The following DACH1 variants were observed in gnomAD, a reference collection of about 807,000 sequenced individuals.
DACH1 encodes dachshund homolog 1.
A neutral mutation model predicts 54.2 loss-of-function variants in DACH1; 12 were observed. The observed-to-expected ratio is 0.22, with a 90% CI of 0.14 to 0.36. The LOEUF is 0.36. DACH1 is among the 10% of genes least tolerant of loss of function. The probability of loss-of-function intolerance (pLI) is 1.00; values close to 1 mark genes in which losing one functional copy is unlikely to be tolerated. For synonymous variants in DACH1, 386 were observed against 366.2 expected (o/e 1.05, Z -0.62); for missense variants, 805 against 929.8 (o/e 0.87, Z 1.75).
In DACH1 at chr13:71,613,247, C is replaced by T. The variant is rs528656479; in HGVS notation, c.1126+17309G>A. On this transcript the variant is annotated intron_variant, in intron 3 of 10. Transcript: ENST00000613252. Reference sequence around the variant, plus strand: ...TAAGAACATCTGCAGAAAGAAAGGACGTAGTCTGTTTGAGAAACTGGAGAA... The same window carrying T: ...TAAGAACATCTGCAGAAAGAAAGGATGTAGTCTGTTTGAGAAACTGGAGAA... 9.2e-5 allele frequency among the ~76,000 whole-genome samples: 14 copies of T among 152,198 alleles called. No individual in the cohort carries two copies. In the South Asian group the frequency reaches 1.9e-3, roughly 20 times the overall value.
At chr13:71,480,642 A>G (rs774717914) in intron 7 of DACH1, among the ~76,000 whole-genome samples, 2 of 152,146 alleles carry the variant, frequency 1.3e-5, no homozygotes, top group Admixed American at 6.5e-5. Flanking sequence ...TTTCAACTGA[A>G]GTTAAAATGA....
At chr13:71,555,501 G>A (rs919548115) in intron 6 of DACH1, among the ~76,000 whole-genome samples, 8 of 151,364 alleles carry the variant, frequency 5.3e-5, no homozygotes, top group Non-Finnish European at 1.0e-4. Context: ...GCACCATCAC[G>A]CCCATCTAAT....
intron 10 of DACH1, among the ~76,000 whole-genome samples, chr13:71,469,366 A>AT (rs1183511856): frequency 6.6e-6 from 1 of 152,178 alleles, no homozygotes; most frequent in Non-Finnish European, 1.5e-5. Context: ...GAAAAAAAAA[A>AT]GCTTGCTCAA....
chr13:71,686,659 C>T (rs1566432310), intron 1 of DACH1, among the ~76,000 whole-genome samples: 1 of 152,144 alleles, frequency 6.6e-6, no homozygotes, highest in African/African-American at 2.4e-5. Flanking sequence ...TTGTTAATCT[C>T]TTCAGTAGTT....
At chr13:71,455,226 C>T (rs1170871372) in intron 10 of DACH1, among the ~76,000 whole-genome samples, 1 of 152,070 alleles carries the variant, frequency 6.6e-6, no homozygotes, top group East Asian at 1.9e-4. Context: ...TTTATTTTCA[C>T]ACTTTTAAAA....
chr13:71,654,443 A>ATAAAGTAAAG (rs1878928496), intron 2 of DACH1, among the ~76,000 whole-genome samples: 15 of 131,756 alleles, frequency 1.1e-4, no homozygotes, highest in South Asian at 5.1e-4. Flanking sequence ...ATAAAATAAA[A>ATAAAGTAAAG]TAAAATAAAA....
intron 7 of DACH1, among the ~76,000 whole-genome samples, chr13:71,484,225 C>T (rs1329082331): frequency 2.6e-5 from 4 of 152,088 alleles, no homozygotes; most frequent in Non-Finnish European, 5.9e-5. Flanking sequence ...GCAGTGGTGC[C>T]ATCATAGCTT....
intron 10 of DACH1, among the ~76,000 whole-genome samples, chr13:71,460,685 G>A (rs932451880): frequency 6.6e-6 from 1 of 151,966 alleles, no homozygotes; most frequent in Non-Finnish European, 1.5e-5. Flanking sequence ...GTAAAAAGGA[G>A]CAATAAGTCA....
chr13:71,475,263 C>CT, intron 9 of DACH1, 54 bp from the exon 10 acceptor site: 1 of 1,436,510 alleles, frequency 7.0e-7, no homozygotes, highest in East Asian at 2.3e-5. Context: ...TCCTATTGTC[C>CT]TTTAAAAAAA....
intron 1 of DACH1, among the ~76,000 whole-genome samples, chr13:71,807,145 A>G (rs1409408296): frequency 2.0e-5 from 3 of 152,166 alleles, no homozygotes. Context: ...AACAAGTTAA[A>G]TCAGCATCCT....
chr13:71,477,836 G>A lies in DACH1; in HGVS notation c.1870+1333C>T, dbSNP rs141883449. Reference sequence around the variant, plus strand: ...TCAGGGTGATACACTGCTTCAATAGGCACATTCATAATAGATAAGTATTGA... The same window carrying A: ...TCAGGGTGATACACTGCTTCAATAGACACATTCATAATAGATAAGTATTGA... On this transcript the variant is annotated intron_variant, in intron 8 of 10. Coordinates refer to ENST00000613252, the MANE Select transcript of DACH1 (RefSeq NM_080759.6). 4.5e-3 allele frequency among the ~76,000 whole-genome samples: 692 copies of A among 152,170 alleles called. 3 individuals carry two copies. Among genetic ancestry groups the A allele is most frequent in the African/African-American group, 0.016 (652 of 41,512 alleles).
intron 8 of DACH1, among the ~76,000 whole-genome samples, 179 bp downstream of exon 8, chr13:71,478,990 G>C (rs1051899334): frequency 6.6e-6 from 1 of 152,068 alleles, no homozygotes; most frequent in African/African-American, 2.4e-5. Flanking sequence ...GAACAGAAAA[G>C]AAAACATGTA....
At chr13:71,467,683 G>A (rs1449659970) in intron 10 of DACH1, among the ~76,000 whole-genome samples, 4 of 151,908 alleles carry the variant, frequency 2.6e-5, no homozygotes, top group Non-Finnish European at 4.4e-5. Flanking sequence ...ACAATAGTCC[G>A]TTTATTGCTT....
intron 1 of DACH1, among the ~76,000 whole-genome samples, chr13:71,802,193 T>TTA (rs1446003489): frequency 6.6e-6 from 1 of 152,094 alleles, no homozygotes; most frequent in Non-Finnish European, 1.5e-5. Context: ...TTTTAATCCT[T>TTA]TCAGATTGTC....
At chr13:71,776,570 G>A (rs576287173) in intron 1 of DACH1, among the ~76,000 whole-genome samples, 7 of 152,068 alleles carry the variant, frequency 4.6e-5, no homozygotes, top group East Asian at 1.9e-4. Flanking sequence ...CAATAAAAAA[G>A]GAGAAATAAC....
At chr13:71,726,556 C>G (rs1883475031) in intron 1 of DACH1, among the ~76,000 whole-genome samples, 1 of 151,870 alleles carries the variant, frequency 6.6e-6, no homozygotes, top group East Asian at 1.9e-4. Context: ...AATGAAAAAT[C>G]TATATTTAAA....
chr13:71,749,283 C>T (rs1191169852), intron 1 of DACH1, among the ~76,000 whole-genome samples: 1 of 151,818 alleles, frequency 6.6e-6, no homozygotes, highest in Non-Finnish European at 1.5e-5. Context: ...TTGCCTGGCC[C>T]TATTTTCTAT....
chr13:71,448,305 A>T (rs1874652711), intron 10 of DACH1, among the ~76,000 whole-genome samples: 1 of 152,212 alleles, frequency 6.6e-6, no homozygotes, highest in Admixed American at 6.5e-5. Flanking sequence ...GTTAATATAA[A>T]ATATAGTAGC....
chr13:71,865,439 TC>T (rs1271527001), intron 1 of DACH1, among the ~76,000 whole-genome samples: 2 of 151,680 alleles, frequency 1.3e-5, no homozygotes, highest in African/African-American at 4.8e-5. Flanking sequence ...GGTCACGACC[TC>T]CCCCCGCCCC....
Sources: allele counts gnomAD v4.1 joint callset (sites outside exome capture counted in the v4.1 genomes callset), GRCh38; gene constraint gnomAD v4.1.1; transcripts MANE v1.5; gene names NCBI Gene and HGNC (gene_info 2026-07-23, HGNC 2026-07-21).